Variants in CNTNAP5 observed in about 807,000 individuals in gnomAD.
The protein encoded by CNTNAP5 is contactin-associated protein-like 5.
CNTNAP5 carries 72 observed loss-of-function variants against 150.2 expected under a neutral mutation model. That is an observed-to-expected ratio of 0.48 (90% CI 0.40 to 0.58). The LOEUF (loss-of-function observed/expected upper bound fraction) is 0.58, where lower values mean the gene tolerates loss of function less well. Ranked by LOEUF, CNTNAP5 falls within the 20% of genes least tolerant of loss-of-function variation. CNTNAP5 has a pLI of 0.00. For synonymous variants in CNTNAP5, 672 were observed against 619.8 expected, an observed-to-expected ratio of 1.08 and a Z score of -1.25; for missense variants, 1,636 against 1,626.2, an observed-to-expected ratio of 1.01 and a Z score of -0.10.
chr2:124,153,514 C>T (rs1684451898), intron 1 of CNTNAP5, among the ~76,000 whole-genome samples: 1 of 150,852 alleles, frequency 6.6e-6, no homozygotes, highest in Admixed American at 6.6e-5. Flanking sequence ...GATTCTGTGT[C>T]TGGTGAGGAG....
intron 13 of CNTNAP5, among the ~76,000 whole-genome samples, chr2:124,698,298 A>C (rs780374086): frequency 6.6e-6 from 1 of 151,782 alleles, no homozygotes; most frequent in Non-Finnish European, 1.5e-5. Flanking sequence ...TGCTTCAAAC[A>C]GGCCTCATTC....
At chr2:124,072,564 G>A (rs1056453041) in intron 1 of CNTNAP5, among the ~76,000 whole-genome samples, 1 of 151,746 alleles carries the variant, frequency 6.6e-6, no homozygotes, top group Non-Finnish European at 1.5e-5. Context: ...AAAATCAGTA[G>A]CATTTCTATA....
intron 2 of CNTNAP5, among the ~76,000 whole-genome samples, chr2:124,227,678 G>A (rs946390469): frequency 2.0e-5 from 3 of 147,700 alleles, no homozygotes; most frequent in African/African-American, 7.5e-5. Context: ...GTGTGTGTGT[G>A]TATTAAACTT....
At chr2:124,202,184 G>A (rs920654056) in intron 1 of CNTNAP5, among the ~76,000 whole-genome samples, 2 of 152,064 alleles carry the variant, frequency 1.3e-5, no homozygotes, top group African/African-American at 4.8e-5. Context: ...TAAAATCAAG[G>A]TGAAAGAATG....
chr2:124,793,086 G>A (rs1294980282), intron 18 of CNTNAP5, among the ~76,000 whole-genome samples: 1 of 152,144 alleles, frequency 6.6e-6, no homozygotes, highest in East Asian at 1.9e-4. Context: ...GTAACTATAG[G>A]TTTAATCTTT....
At chr2:124,789,787 T>G in intron 17 of CNTNAP5, 115 bp from the exon 18 acceptor site, 1 of 918,732 alleles carries the variant, frequency 1.1e-6, no homozygotes, top group East Asian at 2.7e-5. Context: ...AAAAAATTAA[T>G]TTAGACCTTC....
intron 3 of CNTNAP5, among the ~76,000 whole-genome samples, chr2:124,381,629 G>A (rs192358928): frequency 1.8e-4 from 28 of 152,194 alleles, no homozygotes; most frequent in Middle Eastern, 6.8e-3. Flanking sequence ...ACTTTTCAGG[G>A]TCGGGGTAAA....
rs890847189 is a variant in CNTNAP5 at position 124,581,388 on chromosome 2, C to A, written c.1756+18065C>A. ...TTTTTCTTTCTTTAAAAAGTCCAAT[C>A]CTCTAATTAGAAGACAAAGAATAAA... On this transcript the variant is annotated intron_variant, in intron 11 of 23. Transcript: ENST00000682447. 3.3e-5 allele frequency among the ~76,000 whole-genome samples: 5 copies of A among 152,226 alleles called. No individual in the cohort carries two copies. In the South Asian group the frequency reaches 6.2e-4, roughly 19 times the overall value.
intron 12 of CNTNAP5, among the ~76,000 whole-genome samples, chr2:124,647,227 C>T (rs143446056): frequency 3.8e-4 from 58 of 152,286 alleles, no homozygotes; most frequent in African/African-American, 1.4e-3. Context: ...CTAAACAAAA[C>T]AAAACCCTAC....
At chr2:124,812,673 AAC>A (rs1350148611) in intron 19 of CNTNAP5, among the ~76,000 whole-genome samples, 3 of 152,134 alleles carry the variant, frequency 2.0e-5, no homozygotes, top group African/African-American at 7.2e-5. Flanking sequence ...AACTCTTTCA[AAC>A]AGTCTGAAAA....
chr2:124,639,562 C>T (rs368637695), intron 12 of CNTNAP5, among the ~76,000 whole-genome samples: 5 of 152,214 alleles, frequency 3.3e-5, no homozygotes, highest in African/African-American at 1.2e-4. Flanking sequence ...AGCTCACTAG[C>T]TCATGACGTC....
chr2:124,729,166 G>A (rs1680219147), intron 13 of CNTNAP5, among the ~76,000 whole-genome samples: 1 of 152,002 alleles, frequency 6.6e-6, no homozygotes, highest in Non-Finnish European at 1.5e-5. Flanking sequence ...GATTCAAGAG[G>A]AGACACAAAC....
chr2:124,228,422 C>T (rs1686522529), intron 2 of CNTNAP5, among the ~76,000 whole-genome samples: 1 of 152,146 alleles, frequency 6.6e-6, no homozygotes, highest in African/African-American at 2.4e-5. Context: ...CTGGATATCC[C>T]TTAACCCAGT....
intron 4 of CNTNAP5, among the ~76,000 whole-genome samples, chr2:124,431,519 A>G (rs1181757904): frequency 6.8e-6 from 1 of 146,764 alleles, no homozygotes; most frequent in East Asian, 2.0e-4. Flanking sequence ...ATATATATAT[A>G]TATATATATA....
chr2:124,270,323 C>T (rs578041002), intron 3 of CNTNAP5, among the ~76,000 whole-genome samples: 2 of 152,052 alleles, frequency 1.3e-5, no homozygotes, highest in South Asian at 4.2e-4. Context: ...AAAAAAAGGA[C>T]TTTATGAAAT....
At chr2:124,685,070 C>G (rs1051387071) in intron 13 of CNTNAP5, among the ~76,000 whole-genome samples, 2 of 152,118 alleles carry the variant, frequency 1.3e-5, no homozygotes, top group African/African-American at 4.8e-5. Context: ...CTTCAAAGTA[C>G]TTTTCTAGAT....
chr2:124,081,705 G>GT (rs1682560879), intron 1 of CNTNAP5, among the ~76,000 whole-genome samples: 1 of 152,094 alleles, frequency 6.6e-6, no homozygotes, highest in African/African-American at 2.4e-5. Context: ...AAATATCAAA[G>GT]TTTTTTACAA....
chr2:124,199,252 A>G (rs1685660937), intron 1 of CNTNAP5, among the ~76,000 whole-genome samples: 2 of 152,128 alleles, frequency 1.3e-5, no homozygotes, highest in South Asian at 2.1e-4. Context: ...TTGAATTTCA[A>G]TGAATTCATA....
At chr2:124,235,875 A>C (rs900982514) in intron 2 of CNTNAP5, among the ~76,000 whole-genome samples, 14 of 151,848 alleles carry the variant, frequency 9.2e-5, no homozygotes, top group Admixed American at 2.6e-4. Flanking sequence ...GTCATTCCAG[A>C]TTTTCTTACA....
Sources: allele counts gnomAD v4.1 joint callset (sites outside exome capture counted in the v4.1 genomes callset), GRCh38; gene constraint gnomAD v4.1.1; transcripts MANE v1.5; gene names NCBI Gene and HGNC (gene_info 2026-07-23, HGNC 2026-07-21).